The following SH3RF3 variants were observed in gnomAD, a reference collection of about 807,000 sequenced individuals.
The protein encoded by SH3RF3 is SH3 domain containing ring finger 3.
Under a neutral mutation model 66.3 loss-of-function variants are expected in SH3RF3, and 29 were observed. That is an observed-to-expected ratio of 0.44 (90% CI 0.33 to 0.60). The LOEUF is 0.60. Among genes scored for constraint, SH3RF3 ranks in the 20% least tolerant of loss-of-function variants. The pLI, the probability that SH3RF3 is intolerant of heterozygous loss-of-function variation, is 0.04. For synonymous variants in SH3RF3, 583 were observed against 532.0 expected, an observed-to-expected ratio of 1.10 and a Z score of -1.32; for missense variants, 1,194 against 1,190.9, an observed-to-expected ratio of 1.00 and a Z score of -0.04.
rs189886478 is a variant in SH3RF3 at position 109,271,511 on chromosome 2, A to G, written c.574-76163A>G. Among the ~76,000 whole-genome samples, 244 of 152,374 alleles carry G rather than the reference A, an allele frequency of 1.6e-3. 2 individuals carry two copies. Among genetic ancestry groups the G allele is most frequent in the African/African-American group, 5.3e-3 (219 of 41,592 alleles). On this transcript the variant is annotated intron_variant, in intron 1 of 9. Transcript: ENST00000309415. ...ACGTGAGACTTTGCTGTCAGCCAAC[A>G]TGACAGCAGTGAACAGAGCCCAGGG...
intron 2 of SH3RF3, among the ~76,000 whole-genome samples, chr2:109,366,790 C>T (rs1683159063): frequency 6.6e-6 from 1 of 152,176 alleles, no homozygotes; most frequent in African/African-American, 2.4e-5. Context: ...AAAGTCAAAG[C>T]TGCAGTGAGC....
chr2:109,259,330 C>T (rs1269990721), intron 1 of SH3RF3, among the ~76,000 whole-genome samples: 1 of 152,196 alleles, frequency 6.6e-6, no homozygotes, highest in Non-Finnish European at 1.5e-5. Flanking sequence ...GTTGAGCCTA[C>T]CTGAAGCCCT....
intron 8 of SH3RF3, among the ~76,000 whole-genome samples, chr2:109,486,553 C>A (rs896923322): frequency 2.0e-5 from 3 of 152,202 alleles, no homozygotes; most frequent in African/African-American, 7.2e-5. Flanking sequence ...TGATGAGATG[C>A]ATTAGTCCTT....
intron 1 of SH3RF3, among the ~76,000 whole-genome samples, chr2:109,205,769 C>T (rs1226878169): frequency 6.6e-6 from 1 of 152,118 alleles, no homozygotes; most frequent in African/African-American, 2.4e-5. Context: ...GCAGCCTTCC[C>T]CAGCAGCCTC....
intron 1 of SH3RF3, among the ~76,000 whole-genome samples, chr2:109,277,504 C>G (rs1457734722): frequency 6.6e-6 from 1 of 152,198 alleles, no homozygotes. Context: ...GCTGCATCTC[C>G]GAGCAGTCCG....
intron 3 of SH3RF3, among the ~76,000 whole-genome samples, chr2:109,382,206 T>C (rs939479196): frequency 1.3e-5 from 2 of 152,188 alleles, no homozygotes; most frequent in African/African-American, 4.8e-5. Context: ...CCCAGGAATT[T>C]AGGAAGTTAC....
chr2:109,340,818 T>C (rs926044004), intron 1 of SH3RF3, among the ~76,000 whole-genome samples: 3 of 152,158 alleles, frequency 2.0e-5, no homozygotes, highest in Admixed American at 1.3e-4. Flanking sequence ...AAAAGGTGCA[T>C]TCTAAGGCCA....
chr2:109,195,803 T>G (rs1208120330), intron 1 of SH3RF3, among the ~76,000 whole-genome samples: 1 of 152,210 alleles, frequency 6.6e-6, no homozygotes, highest in Non-Finnish European at 1.5e-5. Flanking sequence ...GAATCTCCCC[T>G]CTACTTTTAA....
Position 109,130,110 on chromosome 2 carries a change from A to G in SH3RF3, c.570A>G (p.Ala190=), listed in dbSNP as rs900033211. 125 of 1,321,638 alleles carry G rather than the reference A, an allele frequency of 9.5e-5. No homozygotes were observed. The highest frequency in any genetic ancestry group is 1.2e-4 in the Non-Finnish European group (123 of 1,039,904). 81.9% of individuals were successfully genotyped at this position (1,321,638 alleles called of 1,614,324 possible). ...CGACCAGCAGGACCGCGCCGGCGGC[A>G]AAGGTGAGTATCTGTCTCGGCGGAA... ...ELATSRTAPA[A]KNPCLLPYGK... The change falls in exon 1 of 10, where the codon GCA becomes GCG. Residue 190 remains alanine (A), a synonymous_variant. Transcript: ENST00000309415.
intron 1 of SH3RF3, among the ~76,000 whole-genome samples, chr2:109,244,000 G>C (rs1318904068): frequency 1.3e-5 from 2 of 152,200 alleles, no homozygotes; most frequent in Non-Finnish European, 2.9e-5. Context: ...GCTCATAGGT[G>C]AAGTTTTTGC....
chr2:109,440,731 G>C (rs890292444), intron 7 of SH3RF3, among the ~76,000 whole-genome samples: 5 of 152,190 alleles, frequency 3.3e-5, no homozygotes, highest in Non-Finnish European at 7.3e-5. Context: ...TTGTGTGACA[G>C]AGAGGGCTTG....
At chr2:109,298,153 T>G (rs1205207803) in intron 1 of SH3RF3, among the ~76,000 whole-genome samples, 1 of 151,436 alleles carries the variant, frequency 6.6e-6, no homozygotes, top group Admixed American at 6.6e-5. Context: ...CAAGGGCGGG[T>G]GGATGGCCCA....
intron 1 of SH3RF3, among the ~76,000 whole-genome samples, chr2:109,264,759 C>T (rs1180070111): frequency 6.6e-6 from 1 of 152,212 alleles, no homozygotes; most frequent in African/African-American, 2.4e-5. Context: ...ACTGGGCGGG[C>T]ATCTCATTCT....
chr2:109,284,654 A>G (rs184134231), intron 1 of SH3RF3, among the ~76,000 whole-genome samples: 1 of 152,176 alleles, frequency 6.6e-6, no homozygotes. Context: ...CATGGGTTAG[A>G]CCATGTTTTT....
chr2:109,149,628 G>A (rs1009720160), intron 1 of SH3RF3, among the ~76,000 whole-genome samples: 1 of 152,186 alleles, frequency 6.6e-6, no homozygotes, highest in Admixed American at 6.5e-5. Context: ...CTCCCTGCAC[G>A]TGTCCATTGA....
At chr2:109,288,436 C>G (rs1190561267) in intron 1 of SH3RF3, among the ~76,000 whole-genome samples, 4 of 152,164 alleles carry the variant, frequency 2.6e-5, no homozygotes, top group Non-Finnish European at 5.9e-5. Context: ...AGCTTTAAAA[C>G]CCGATAAAGC....
intron 1 of SH3RF3, among the ~76,000 whole-genome samples, chr2:109,346,090 C>T (rs1682688910): frequency 6.6e-6 from 1 of 152,246 alleles, no homozygotes; most frequent in African/African-American, 2.4e-5. Flanking sequence ...CAAATTACCC[C>T]TTGCCTCCGC....
In SH3RF3 at chr2:109,384,379, G is replaced by A. The variant is rs578223671; in HGVS notation, c.945+12698G>A. On this transcript the variant is annotated intron_variant, in intron 3 of 9. Transcript: ENST00000309415. ...AGGGAACTGCAGTTTTCCTGTCAGC[G>A]CTCGGGACTTGGCAGGGAAAGCGGC... is the stretch of plus-strand genomic sequence containing the variant. Among the ~76,000 whole-genome samples, 101 of 152,246 alleles carry A rather than the reference G, an allele frequency of 6.6e-4. 2 individuals are homozygous for A. In the South Asian group the frequency reaches 0.018, roughly 27 times the overall value.
intron 1 of SH3RF3, among the ~76,000 whole-genome samples, chr2:109,157,978 A>G (rs1361713187): frequency 6.6e-6 from 1 of 152,166 alleles, no homozygotes; most frequent in Non-Finnish European, 1.5e-5. Context: ...TTGCCTTACT[A>G]GTAAGTAACC....
Sources: allele counts gnomAD v4.1 joint callset (sites outside exome capture counted in the v4.1 genomes callset), GRCh38; gene constraint gnomAD v4.1.1; transcripts MANE v1.5; gene names NCBI Gene and HGNC (gene_info 2026-07-23, HGNC 2026-07-21).